The following EIF5B variants were observed in gnomAD, a reference collection of about 807,000 sequenced individuals.
EIF5B encodes the protein eukaryotic translation initiation factor 5B, also known as eIF-5B.
EIF5B carries 47 observed loss-of-function variants against 147.5 expected under a neutral mutation model. The ratio of observed to expected loss-of-function variants is 0.32; its 90% confidence interval spans 0.25 to 0.41. EIF5B has a LOEUF of 0.41. EIF5B is among the 10% of genes least tolerant of loss of function. The pLI is 1.00. For synonymous variants in EIF5B, 455 were observed against 456.2 expected (o/e 1.00, Z 0.03); for missense variants, 1,064 against 1,413.2 (o/e 0.75, Z 3.96).
At chr2:99,343,167 G>C (rs1195030879) in intron 1 of EIF5B, among the ~76,000 whole-genome samples, 1 of 151,696 alleles carries the variant, frequency 6.6e-6, no homozygotes, top group Non-Finnish European at 1.5e-5. Flanking sequence ...TGTTGGCCAG[G>C]CTGGTCTCGA....
At chr2:99,361,112 TTC>T in intron 3 of EIF5B, 34 bp from the exon 4 acceptor site, 2 of 1,462,448 alleles carry the variant, frequency 1.4e-6, no homozygotes, top group Non-Finnish European at 9.1e-7. Context: ...TCAATTATAA[TTC>T]TGTTAATTTT....
rs1424971324 is a variant in EIF5B at position 99,400,073 on chromosome 2, A to G, written c.*659A>G. ...GAAAACAGACATCCACCAGTAAGCA[A>G]GCTCTGTTAGGCTTCCATGTTAGTG... On this transcript the variant is annotated 3_prime_UTR_variant, in exon 24 of 24. Coordinates refer to ENST00000289371, the MANE Select transcript of EIF5B (RefSeq NM_015904.4). 6.6e-6 allele frequency: 1 copy of G among 152,282 alleles called. No homozygotes were observed. The highest frequency in any genetic ancestry group is 2.4e-5 in the African/African-American group (1 of 41,468). The allele number at this position is 152,282 out of a possible 1,614,324, so 9.4% of individuals were successfully genotyped here.
chr2:99,389,194 G>A (rs1204092125), intron 14 of EIF5B, among the ~76,000 whole-genome samples: 1 of 152,152 alleles, frequency 6.6e-6, no homozygotes, highest in Non-Finnish European at 1.5e-5. Context: ...TGGCTAGCAA[G>A]TATTTTTCAT....
In EIF5B at chr2:99,384,196, CAAA is replaced by C. The variant is rs770493783; in HGVS notation, c.2271+1284_2271+1286del. ...TGGGTGACAGAGCGAGACTCCGTCT[CAAA>C]AAAAAAAAGAATTATGCCAAATCCA... On this transcript the variant is annotated intron_variant, in intron 14 of 23. Transcript: ENST00000289371. Among the ~76,000 whole-genome samples, 6 of 117,508 alleles carry C rather than the reference CAAA, an allele frequency of 5.1e-5. 1 individual carries two copies. In the Admixed American group the frequency reaches 5.3e-4, roughly 10 times the overall value. 77.1% of individuals were successfully genotyped at this position (117,508 alleles called of 152,430 possible).
In EIF5B at chr2:99,399,330, A is replaced by C. The variant is rs780916237; in HGVS notation, c.3579A>C (p.Ala1193=). The C allele has an allele frequency of 6.2e-7, 1 of 1,614,116 alleles. No individual in the cohort carries two copies. Among genetic ancestry groups the C allele is most frequent in the Non-Finnish European group, 8.5e-7 (1 of 1,180,016 alleles). The change falls in exon 24 of 24, where the codon GCA becomes GCC. Residue 1193 remains alanine, a synonymous_variant. Transcript: ENST00000289371. ...AGATCAGCCGGCAGTCCATTGATGC[A>C]CTCAAAGACTGGTTCAGAGATGAAA... ...VSKISRQSID[A]LKDWFRDEMQ...
chr2:99,346,219 T>G (rs1226671935), intron 1 of EIF5B, among the ~76,000 whole-genome samples: 2 of 152,168 alleles, frequency 1.3e-5, no homozygotes, highest in Non-Finnish European at 2.9e-5. Context: ...TGTGTTTCTG[T>G]GTCTCTAGAG....
At chr2:99,384,792 A>G (rs998450948) in intron 14 of EIF5B, among the ~76,000 whole-genome samples, 33 of 152,348 alleles carry the variant, frequency 2.2e-4, no homozygotes, top group African/African-American at 7.5e-4. Context: ...ATGTAGCTGA[A>G]TTGCTGCAAT....
intron 21 of EIF5B, among the ~76,000 whole-genome samples, chr2:99,395,368 C>G (rs1675021178): frequency 6.6e-6 from 1 of 152,230 alleles, no homozygotes; most frequent in Non-Finnish European, 1.5e-5. Flanking sequence ...GGGTCTCGTT[C>G]TGTCACCCAT....
chr2:99,382,337 C>T, intron 13 of EIF5B, 111 bp downstream of exon 13: 1 of 805,630 alleles, frequency 1.2e-6, no homozygotes, highest in Non-Finnish European at 2.0e-6. Context: ...CTATAACTAC[C>T]ACTCCACCTT....
At chr2:99,359,077 C>T (rs1674150559) in intron 1 of EIF5B, among the ~76,000 whole-genome samples, 1 of 151,942 alleles carries the variant, frequency 6.6e-6, no homozygotes, top group Non-Finnish European at 1.5e-5. Context: ...ATTTTCTTTA[C>T]TGAGACCGGG....
chr2:99,381,872 T>TATC (rs1674696270), intron 12 of EIF5B, among the ~76,000 whole-genome samples: 7 of 152,180 alleles, frequency 4.6e-5, no homozygotes, highest in Admixed American at 4.6e-4. Flanking sequence ...CTGCGATTCG[T>TATC]ATCACCACTT....
At chr2:99,347,440 C>T (rs1384575572) in intron 1 of EIF5B, among the ~76,000 whole-genome samples, 1 of 151,550 alleles carries the variant, frequency 6.6e-6, no homozygotes, top group African/African-American at 2.4e-5. Context: ...ACCTGGGGAT[C>T]TTGTTAGAAT....
In EIF5B at chr2:99,372,774, G is replaced by T. The variant is rs933497120; in HGVS notation, c.1552+1044G>T. On this transcript the variant is annotated intron_variant, in intron 9 of 23. Transcript: ENST00000289371. ...ATACAACCTAGCATGGTCAGTTATT[G>T]TAAGTGTTTCATGTTTGGAAAGAAT... Among the ~76,000 whole-genome samples, 3 of 152,342 alleles carry T rather than the reference G, an allele frequency of 2.0e-5. No homozygotes were observed. The East Asian group carries it at 5.8e-4, about 29-fold the overall frequency.
rs1438772111 is a variant in EIF5B, at chr2:99,400,372, TTAA to T, written c.*960_*962del. The T allele has an allele frequency of 1.1e-4, 16 of 152,222 alleles. No homozygotes were observed. The highest frequency in any genetic ancestry group is 2.9e-4 in the African/African-American group (12 of 41,468). 9.4% of individuals were successfully genotyped at this position (152,222 alleles called of 1,614,324 possible). A position where few individuals can be genotyped will look rare whatever the true frequency, so the allele number is the denominator to read the frequency against. On this transcript the variant is annotated 3_prime_UTR_variant, in exon 24 of 24. Coordinates refer to ENST00000289371, the MANE Select transcript of EIF5B (RefSeq NM_015904.4). ...TTCTAAATTGTTGCAGACACAAAAC[TTAA>T]TGATTCATTCGTAGTAGTAATCTGT...
intron 3 of EIF5B, 117 bp from the exon 4 acceptor site, chr2:99,361,031 T>C (rs1674200612): frequency 9.3e-7 from 1 of 1,080,316 alleles, no homozygotes; most frequent in Non-Finnish European, 1.3e-6. Context: ...GAAAAAGACT[T>C]TGAAAAAGAT....
At chr2:99,356,406 T>A (rs952822364) in intron 1 of EIF5B, among the ~76,000 whole-genome samples, 5 of 152,220 alleles carry the variant, frequency 3.3e-5, no homozygotes, top group Non-Finnish European at 7.3e-5. Context: ...TTAGCTTTCT[T>A]CTGCACACGT....
chr2:99,375,203 C>T (rs1436954013), intron 9 of EIF5B, among the ~76,000 whole-genome samples: 1 of 152,094 alleles, frequency 6.6e-6, no homozygotes, highest in Non-Finnish European at 1.5e-5. Flanking sequence ...TGGTTCTTCT[C>T]ACGTAAATTG....
rs1674715517 is a variant in EIF5B at position 99,382,720 on chromosome 2, T to TTA, written c.2130-59_2130-58dup. The TTA allele has an allele frequency of 4.1e-6, 6 of 1,480,732 alleles. No homozygotes were observed. The East Asian group carries it at 1.4e-4, about 35-fold the overall frequency. The allele number at this position is 1,480,732 out of a possible 1,614,324, so 91.7% of individuals were successfully genotyped here. On this transcript the variant is annotated intron_variant, in intron 13 of 23. Coordinates refer to ENST00000289371, the MANE Select transcript of EIF5B (RefSeq NM_015904.4). The stretch of plus-strand genomic sequence containing the variant: ...GGGTTTTACAGAGAAGTTTAAAAGT[T>TTA]TAAGAAAAGTATTAATTTCAAGATT...
rs552975233 is a variant in EIF5B at position 99,337,457 on chromosome 2, G to A, written c.-98G>A. 1.4e-5 allele frequency: 21 copies of A among 1,495,618 alleles called. No individual in the cohort carries two copies. The East Asian group carries it at 2.9e-4, about 21-fold the overall frequency. 92.6% of individuals were successfully genotyped at this position (1,495,618 alleles called of 1,614,324 possible). On this transcript the variant is annotated 5_prime_UTR_variant, in exon 1 of 24. Coordinates refer to ENST00000289371, the MANE Select transcript of EIF5B (RefSeq NM_015904.4). ...CGGGTGCGAGCGGCGGCAGCACGAG[G>A]GGAAAAGAGCTGAGCGGAGACCAAA...
Sources: allele counts gnomAD v4.1 joint callset (sites outside exome capture counted in the v4.1 genomes callset), GRCh38; gene constraint gnomAD v4.1.1; transcripts MANE v1.5; gene names NCBI Gene and HGNC (gene_info 2026-07-23, HGNC 2026-07-21).